Variants in CAMK1D observed in about 807,000 individuals in gnomAD.
CAMK1D encodes calcium/calmodulin-dependent protein kinase type 1D.
Under a neutral mutation model 47.7 loss-of-function variants are expected in CAMK1D, and 9 were observed. That is an observed-to-expected ratio of 0.19 (90% confidence interval 0.11 to 0.33). The LOEUF is 0.33. Among genes scored for constraint, CAMK1D ranks in the 10% least tolerant of loss-of-function variants. CAMK1D has a pLI of 1.00. For missense variants in CAMK1D, 291 were observed against 488.7 expected (o/e 0.60, Z 3.81); for synonymous variants, 184 against 184.9 (o/e 0.99, Z 0.04).
chr10:12,496,306 CT>C (rs1443709098), intron 1 of CAMK1D, among the ~76,000 whole-genome samples: 6 of 152,184 alleles, frequency 3.9e-5, no homozygotes, highest in Non-Finnish European at 7.3e-5. Context: ...AGAACTATGA[CT>C]GCACATAACT....
intron 3 of CAMK1D, among the ~76,000 whole-genome samples, chr10:12,720,719 T>A (rs1223330584): frequency 2.0e-5 from 3 of 152,192 alleles, no homozygotes; most frequent in Non-Finnish European, 4.4e-5. Flanking sequence ...GTGAGAAGAT[T>A]ATTTTTCCCT....
intron 3 of CAMK1D, among the ~76,000 whole-genome samples, chr10:12,695,051 GATA>G (rs1833216597): frequency 8.1e-6 from 1 of 124,024 alleles, no homozygotes; most frequent in South Asian, 3.0e-4. Context: ...TAGATAGATA[GATA>G]GATAGATAGA....
intron 5 of CAMK1D, among the ~76,000 whole-genome samples, chr10:12,783,336 C>G (rs530433915): frequency 6.6e-6 from 1 of 152,294 alleles, no homozygotes; most frequent in East Asian, 1.9e-4. Flanking sequence ...TCGAGGACTG[C>G]CCCTGTCCCC....
intron 2 of CAMK1D, among the ~76,000 whole-genome samples, chr10:12,556,649 G>C (rs1238758322): frequency 6.6e-6 from 1 of 152,196 alleles, no homozygotes; most frequent in Non-Finnish European, 1.5e-5. Flanking sequence ...AAAGGGTTCA[G>C]GGGGAGGCCT....
intron 6 of CAMK1D, among the ~76,000 whole-genome samples, chr10:12,797,234 T>A (rs1838236485): frequency 6.6e-6 from 1 of 151,328 alleles, no homozygotes; most frequent in African/African-American, 2.4e-5. Flanking sequence ...GGTCTTGCTT[T>A]GTCACCCAGG....
chr10:12,463,355 T>G lies in CAMK1D; in HGVS notation c.93-89870T>G, dbSNP rs959221977. 2.0e-5 allele frequency among the ~76,000 whole-genome samples: 3 copies of G among 151,996 alleles called. No homozygotes were observed. In the East Asian group the frequency reaches 5.8e-4, roughly 29 times the overall value. ...GTTTCACCTTGTTGGCCAGGCTGGT[T>G]TCGAACTCCTGACCTCAAATGATTC... On this transcript the variant is annotated intron_variant, in intron 1 of 10. Transcript: ENST00000619168.
intron 1 of CAMK1D, among the ~76,000 whole-genome samples, chr10:12,454,710 G>T (rs1390225007): frequency 6.6e-6 from 1 of 152,146 alleles, no homozygotes; most frequent in African/African-American, 2.4e-5. Flanking sequence ...TGATCCTCCT[G>T]CCTCAGCCCC....
chr10:12,822,680 C>T (rs1411903687), intron 8 of CAMK1D, among the ~76,000 whole-genome samples: 1 of 152,244 alleles, frequency 6.6e-6, no homozygotes, highest in Non-Finnish European at 1.5e-5. Context: ...GAGCTGGCCG[C>T]TGCAAGCTTG....
intron 1 of CAMK1D, among the ~76,000 whole-genome samples, chr10:12,500,852 A>G (rs995247810): frequency 1.3e-5 from 2 of 152,274 alleles, no homozygotes; most frequent in Non-Finnish European, 2.9e-5. Flanking sequence ...TCTTGTTAGC[A>G]TGAAGAAGAG....
intron 3 of CAMK1D, among the ~76,000 whole-genome samples, chr10:12,759,381 G>A (rs1836392230): frequency 6.6e-6 from 1 of 152,108 alleles, no homozygotes; most frequent in African/African-American, 2.4e-5. Flanking sequence ...AATGTCTCTA[G>A]GGCACCCAGA....
intron 3 of CAMK1D, among the ~76,000 whole-genome samples, chr10:12,722,965 G>A (rs183525735): frequency 8.5e-5 from 13 of 152,296 alleles, no homozygotes; most frequent in Admixed American, 8.5e-4. Context: ...GGGGCAGGTG[G>A]AAAATGGTGT....
intron 1 of CAMK1D, among the ~76,000 whole-genome samples, chr10:12,446,948 A>T (rs755207554): frequency 6.6e-6 from 1 of 152,192 alleles, no homozygotes; most frequent in Non-Finnish European, 1.5e-5. Flanking sequence ...GGGATTTTGG[A>T]ATAGAACTAG....
In CAMK1D at chr10:12,653,938, A is replaced by G. The variant is rs116590673; in HGVS notation, c.225-12798A>G. Among the ~76,000 whole-genome samples, 909 of 152,268 alleles carry G rather than the reference A, an allele frequency of 6.0e-3. 9 individuals are homozygous for G. The highest frequency in any genetic ancestry group is 0.021 in the African/African-American group (875 of 41,556). On this transcript the variant is annotated intron_variant, in intron 2 of 10. Coordinates refer to ENST00000619168, the MANE Select transcript of CAMK1D (RefSeq NM_153498.4). ...GGGCACCTGTTGGCTTGACATGGTC[A>G]TGGGTTTGAGTTGTGAAATATGGAC...
rs945805733 is a variant in CAMK1D, at chr10:12,643,622, G to A, written c.225-23114G>A. On this transcript the variant is annotated intron_variant, in intron 2 of 10. Coordinates refer to ENST00000619168, the MANE Select transcript of CAMK1D (RefSeq NM_153498.4). ...TGTGGGGCTAGGTGCGGTGGCTCAC[G>A]TATGTAATCCCAGCAATCTGGAAGG... Among the ~76,000 whole-genome samples, 7 of 152,180 alleles carry A rather than the reference G, an allele frequency of 4.6e-5. No individual in the cohort carries two copies. The East Asian group carries it at 9.7e-4, about 21-fold the overall frequency.
At chr10:12,752,048 C>G (rs2130879923) in intron 3 of CAMK1D, among the ~76,000 whole-genome samples, 1 of 151,336 alleles carries the variant, frequency 6.6e-6, no homozygotes, top group Non-Finnish European at 1.5e-5. Context: ...ATGGCGCAAT[C>G]TCGGCTCACC....
intron 3 of CAMK1D, among the ~76,000 whole-genome samples, chr10:12,674,785 G>A (rs1242997562): frequency 6.6e-6 from 1 of 151,822 alleles, no homozygotes; most frequent in African/African-American, 2.4e-5. Context: ...TGTAATCCCA[G>A]CACTTTGGGA....
In CAMK1D at chr10:12,356,348, G is replaced by A. The variant is rs144226889; in HGVS notation, c.92+6438G>A. Among the ~76,000 whole-genome samples, 347 of 152,248 alleles carry A rather than the reference G, an allele frequency of 2.3e-3. 2 individuals carry two copies. Among genetic ancestry groups the A allele is most frequent in the African/African-American group, 4.8e-3 (199 of 41,536 alleles). On this transcript the variant is annotated intron_variant, in intron 1 of 10. Coordinates refer to ENST00000619168, the MANE Select transcript of CAMK1D (RefSeq NM_153498.4). Reference sequence around the variant, plus strand: ...TTGTTCAGTTTCCCCAGGAATTCTCGGAGCACCTGCTCTGTCTACACATTA... The same window carrying A: ...TTGTTCAGTTTCCCCAGGAATTCTCAGAGCACCTGCTCTGTCTACACATTA...
intron 1 of CAMK1D, among the ~76,000 whole-genome samples, chr10:12,551,850 C>T (rs941854271): frequency 3.3e-5 from 5 of 152,344 alleles, no homozygotes; most frequent in Admixed American, 6.5e-5. Context: ...GTCCCTGATG[C>T]CAAAAAGGTT....
At chr10:12,725,674 C>A (rs1834593110) in intron 3 of CAMK1D, among the ~76,000 whole-genome samples, 1 of 152,204 alleles carries the variant, frequency 6.6e-6, no homozygotes, top group South Asian at 2.1e-4. Flanking sequence ...CGTGTCTACA[C>A]CTGCTTCTGT....
Sources: allele counts gnomAD v4.1 joint callset (sites outside exome capture counted in the v4.1 genomes callset), GRCh38; gene constraint gnomAD v4.1.1; transcripts MANE v1.5; gene names NCBI Gene and HGNC (gene_info 2026-07-23, HGNC 2026-07-21).